Variants in LOC128092252 observed in about 807,000 individuals in gnomAD.
chr15:50,669,537 T>G, the LOC128092252 span, among the ~76,000 whole-genome samples: 25 of 152,336 alleles, frequency 1.6e-4, no homozygotes, highest in Non-Finnish European at 3.1e-4. Flanking sequence ...TTCGAAAGCC[T>G]ATATAATTAT....
the LOC128092252 span, among the ~76,000 whole-genome samples, chr15:50,663,825 TG>T: frequency 6.6e-6 from 1 of 152,200 alleles, no homozygotes; most frequent in Admixed American, 6.5e-5. Flanking sequence ...TAGCCAGGTA[TG>T]GTGATGTGCT....
chr15:50,676,799 T>A, the LOC128092252 span, among the ~76,000 whole-genome samples: 3 of 152,032 alleles, frequency 2.0e-5, no homozygotes, highest in Non-Finnish European at 4.4e-5. Context: ...CAGTTCAAGG[T>A]GAAAACAGCA....
the LOC128092252 span, among the ~76,000 whole-genome samples, chr15:50,654,415 C>T: frequency 2.7e-5 from 4 of 150,896 alleles, no homozygotes; most frequent in South Asian, 8.4e-4. Context: ...GCACTGCACT[C>T]CAGCCTGGGC....
the LOC128092252 span, among the ~76,000 whole-genome samples, chr15:50,672,377 T>A: frequency 6.6e-6 from 1 of 151,680 alleles, no homozygotes; most frequent in Non-Finnish European, 1.5e-5. Context: ...TTTTTTTTTT[T>A]AACTGTAAAA....
chr15:50,656,412 G>A, the LOC128092252 span, among the ~76,000 whole-genome samples: 41 of 151,950 alleles, frequency 2.7e-4, no homozygotes, highest in Non-Finnish European at 5.4e-4. Context: ...CGATCCTCCC[G>A]GCTCCAATGA....
the LOC128092252 span, among the ~76,000 whole-genome samples, chr15:50,651,954 T>G: frequency 6.6e-6 from 1 of 151,878 alleles, no homozygotes; most frequent in African/African-American, 2.4e-5. Flanking sequence ...AAATTTCATT[T>G]AAAAAATAAC....
the LOC128092252 span, chr15:50,662,920 A>G: frequency 9.2e-5 from 122 of 1,319,522 alleles, no homozygotes; most frequent in Non-Finnish European, 1.4e-5. Flanking sequence ...AATATAATTT[A>G]CACTAAAATT....
At chr15:50,674,419 G>A in the LOC128092252 span, among the ~76,000 whole-genome samples, 1 of 152,162 alleles carries the variant, frequency 6.6e-6, no homozygotes, top group East Asian at 1.9e-4. Context: ...GGGGTGAGCC[G>A]TGGCACCCAG....
At chr15:50,676,908 C>T in the LOC128092252 span, among the ~76,000 whole-genome samples, 2 of 152,116 alleles carry the variant, frequency 1.3e-5, no homozygotes, top group African/African-American at 2.4e-5. Context: ...CCATGAAGAT[C>T]GTACACATGG....
chr15:50,682,490 C>A, the LOC128092252 span, among the ~76,000 whole-genome samples: 1 of 151,396 alleles, frequency 6.6e-6, no homozygotes, highest in South Asian at 2.1e-4. Context: ...GCAGGAGAAT[C>A]ACTTGAATCC....
the LOC128092252 span, among the ~76,000 whole-genome samples, chr15:50,676,733 C>G: frequency 6.6e-6 from 1 of 151,982 alleles, no homozygotes; most frequent in Admixed American, 6.6e-5. Flanking sequence ...GCCTAGTGAA[C>G]AGCAAAATAT....
the LOC128092252 span, among the ~76,000 whole-genome samples, chr15:50,652,270 T>C: frequency 7.5e-6 from 1 of 133,786 alleles, no homozygotes; most frequent in Admixed American, 9.4e-5. Flanking sequence ...GAGGCGGAGA[T>C]TGCAGTGAGC....
At chr15:50,650,192 CAAAAAAAAAAAAAAAA>C in the LOC128092252 span, among the ~76,000 whole-genome samples, 1 of 62,302 alleles carries the variant, frequency 1.6e-5, no homozygotes, top group Admixed American at 2.3e-4. Context: ...GACTTTGTCT[CAAAAAAAAAAAAAAAA>C]AAAAAAAAAA....
At chr15:50,678,541 T>C in the LOC128092252 span, among the ~76,000 whole-genome samples, 58,625 of 135,710 alleles carry the variant, frequency 0.43, 12,665 homozygotes, top group Non-Finnish European at 0.45. Flanking sequence ...TATATATATA[T>C]ACACACACAC....
chr15:50,655,829 A>C, the LOC128092252 span, among the ~76,000 whole-genome samples: 1 of 152,040 alleles, frequency 6.6e-6, no homozygotes, highest in African/African-American at 2.4e-5. Flanking sequence ...ATCTATACTA[A>C]AAGTACGAAA....
the LOC128092252 span, among the ~76,000 whole-genome samples, chr15:50,680,825 G>C: frequency 6.6e-6 from 1 of 152,166 alleles, no homozygotes; most frequent in East Asian, 1.9e-4. Context: ...AGTTTCTGTA[G>C]TTTGGCAGGT....
chr15:50,650,563 C>T, the LOC128092252 span, among the ~76,000 whole-genome samples: 5 of 152,014 alleles, frequency 3.3e-5, no homozygotes, highest in African/African-American at 1.2e-4. Flanking sequence ...GGCATGGTGG[C>T]GTACGCTTGT....
At chr15:50,665,947 C>T in the LOC128092252 span, among the ~76,000 whole-genome samples, 31 of 152,144 alleles carry the variant, frequency 2.0e-4, no homozygotes, top group South Asian at 2.1e-3. Context: ...GAGCCCAGAT[C>T]GTGCTACTGC....
At chr15:50,675,197 G>A in the LOC128092252 span, among the ~76,000 whole-genome samples, 3 of 152,086 alleles carry the variant, frequency 2.0e-5, no homozygotes, top group Admixed American at 6.6e-5. Context: ...ATAAAAATTA[G>A]CTGGGCATGG....
Sources: allele counts gnomAD v4.1 joint callset (sites outside exome capture counted in the v4.1 genomes callset), GRCh38; gene constraint gnomAD v4.1.1; transcripts MANE v1.5.